Variants in NOS1AP observed in about 807,000 individuals in gnomAD.
The protein encoded by NOS1AP is carboxyl-terminal PDZ ligand of neuronal nitric oxide synthase protein.
In NOS1AP, 21 loss-of-function variants were observed where a neutral mutation model predicts 56.2. That is an observed-to-expected ratio of 0.37 (90% CI 0.26 to 0.54). The LOEUF is 0.54. Ranked by LOEUF, NOS1AP falls within the 20% of genes least tolerant of loss-of-function variation. The pLI is 0.84. For missense variants in NOS1AP, 522 were observed against 657.8 expected (o/e 0.79, Z 2.26); for synonymous variants, 270 against 274.6 (o/e 0.98, Z 0.17).
intron 6 of NOS1AP, 29 bp downstream of exon 6, chr1:162,344,005 G>C: frequency 6.2e-7 from 1 of 1,613,374 alleles, no homozygotes; most frequent in Non-Finnish European, 8.5e-7. Context: ...GTGGATGTGG[G>C]TGGGAAGGCA....
intron 2 of NOS1AP, among the ~76,000 whole-genome samples, chr1:162,260,381 G>T (rs911701631): frequency 1.3e-5 from 2 of 152,256 alleles, no homozygotes; most frequent in African/African-American, 4.8e-5. Flanking sequence ...GAAAGAGTGA[G>T]GGAGAAATAT....
At position 162,362,835 on chromosome 1, in the gene NOS1AP, T is replaced by A. The variant is rs1029023110; in HGVS notation, c.940-2569T>A. ...GGGACCCCCAGCTGAAATTTCTCCA[T>A]GCCTCCCTTTCCAAAGAGGAGAAAA... On this transcript the variant is annotated intron_variant, in intron 8 of 9. Transcript: ENST00000361897. The A allele has an allele frequency of 1.0e-5, 4 of 394,642 alleles. No homozygotes were observed. In the Admixed American group the frequency reaches 2.6e-4, roughly 25 times the overall value. The allele number at this position is 394,642 out of a possible 1,614,324, so 24.4% of individuals were successfully genotyped here.
At chr1:162,294,734 A>G (rs2101747272) in intron 3 of NOS1AP, among the ~76,000 whole-genome samples, 1 of 152,352 alleles carries the variant, frequency 6.6e-6, no homozygotes, top group Admixed American at 6.5e-5. Context: ...CAGCAGTGCC[A>G]TAGGTGTCCT....
chr1:162,332,933 G>A (rs1358492359), intron 4 of NOS1AP, 84 bp from the exon 5 acceptor site: 1 of 952,074 alleles, frequency 1.1e-6, no homozygotes, highest in African/African-American at 1.6e-5. Flanking sequence ...CTGTGCTTCA[G>A]AGTGTCCTTA....
At chr1:162,089,219 A>G (rs1006278607) in intron 1 of NOS1AP, among the ~76,000 whole-genome samples, 1 of 152,238 alleles carries the variant, frequency 6.6e-6, no homozygotes, top group Non-Finnish European at 1.5e-5. Flanking sequence ...TTGTGTGTTC[A>G]TACTGATATT....
chr1:162,145,357 C>T (rs1030555589), intron 1 of NOS1AP, among the ~76,000 whole-genome samples: 3 of 152,094 alleles, frequency 2.0e-5, no homozygotes, highest in African/African-American at 4.8e-5. Flanking sequence ...CCTATCCCCA[C>T]GTCCCTTACA....
intron 4 of NOS1AP, chr1:162,317,352 A>G (rs1183097640): frequency 6.6e-6 from 1 of 152,220 alleles, no homozygotes; most frequent in Non-Finnish European, 1.5e-5. Flanking sequence ...ATATATGTAT[A>G]TACACATGCG....
chr1:162,298,431 A>G (rs1442353049), intron 3 of NOS1AP, among the ~76,000 whole-genome samples: 2 of 152,206 alleles, frequency 1.3e-5, no homozygotes, highest in East Asian at 3.8e-4. Flanking sequence ...AGGGTGGTGT[A>G]ATTGGAAGCC....
chr1:162,343,368 T>G (rs1571232414), intron 5 of NOS1AP, among the ~76,000 whole-genome samples: 1 of 152,196 alleles, frequency 6.6e-6, no homozygotes, highest in African/African-American at 2.4e-5. Flanking sequence ...TTCCATTGGT[T>G]TCTGCTGTTT....
intron 5 of NOS1AP, 115 bp from the exon 6 acceptor site, chr1:162,343,720 A>AT: frequency 8.5e-7 from 1 of 1,172,228 alleles, no homozygotes; most frequent in South Asian, 1.2e-5. Flanking sequence ...TTGTATGTGC[A>AT]TATCTGAACA....
chr1:162,282,757 A>G (rs781528113), intron 2 of NOS1AP, among the ~76,000 whole-genome samples: 1 of 152,212 alleles, frequency 6.6e-6, no homozygotes, highest in Non-Finnish European at 1.5e-5. Flanking sequence ...GCAAGAAGCG[A>G]AGCTCCAAAG....
At chr1:162,111,617 A>G (rs1203044495) in intron 1 of NOS1AP, among the ~76,000 whole-genome samples, 1 of 152,228 alleles carries the variant, frequency 6.6e-6, no homozygotes, top group African/African-American at 2.4e-5. Context: ...AACGGCATCA[A>G]GTAGAAGCAA....
chr1:162,113,748 G>T (rs1171466760), intron 1 of NOS1AP, among the ~76,000 whole-genome samples: 1 of 151,944 alleles, frequency 6.6e-6, no homozygotes, highest in Non-Finnish European at 1.5e-5. Context: ...CTCCTGCCAG[G>T]CCCCACCTCC....
chr1:162,249,180 G>A (rs192362953), intron 2 of NOS1AP, among the ~76,000 whole-genome samples: 2 of 152,294 alleles, frequency 1.3e-5, no homozygotes, highest in Admixed American at 6.5e-5. Flanking sequence ...TCAACCAAAG[G>A]TGGGGGATGG....
chr1:162,313,364 C>G (rs933635535), intron 4 of NOS1AP, among the ~76,000 whole-genome samples: 6 of 152,202 alleles, frequency 3.9e-5, no homozygotes, highest in Non-Finnish European at 2.9e-5. Flanking sequence ...AACACCTATT[C>G]CTCCTAGTAC....
intron 2 of NOS1AP, among the ~76,000 whole-genome samples, chr1:162,199,366 C>A (rs1228247365): frequency 6.6e-6 from 1 of 152,174 alleles, no homozygotes; most frequent in African/African-American, 2.4e-5. Flanking sequence ...TTCCTTTAAA[C>A]CCTTGTAAGG....
chr1:162,089,302 T>C (rs902778550), intron 1 of NOS1AP, among the ~76,000 whole-genome samples: 2 of 152,190 alleles, frequency 1.3e-5, no homozygotes, highest in African/African-American at 4.8e-5. Context: ...TTCAAATACA[T>C]AGGGAATAAC....
intron 4 of NOS1AP, among the ~76,000 whole-genome samples, chr1:162,304,476 A>G (rs1165058989): frequency 1.3e-5 from 2 of 151,884 alleles, no homozygotes; most frequent in Non-Finnish European, 2.9e-5. Context: ...TTTTTATTCA[A>G]TTAGTATTAG....
chr1:162,158,152 C>T (rs1217553163), intron 2 of NOS1AP, among the ~76,000 whole-genome samples: 1 of 152,166 alleles, frequency 6.6e-6, no homozygotes, highest in Non-Finnish European at 1.5e-5. Context: ...AACACAATTC[C>T]CCTTCCCCCT....
Sources: allele counts gnomAD v4.1 joint callset (sites outside exome capture counted in the v4.1 genomes callset), GRCh38; gene constraint gnomAD v4.1.1; transcripts MANE v1.5; gene names NCBI Gene and HGNC (gene_info 2026-07-23, HGNC 2026-07-21).